The following KHDRBS2 variants were observed in gnomAD, a reference collection of about 807,000 sequenced individuals.
KHDRBS2 encodes the protein KH RNA binding domain containing, signal transduction associated 2, also known as KH domain-containing, RNA-binding, signal transduction-associated protein 2.
A neutral mutation model predicts 44.3 loss-of-function variants in KHDRBS2; 26 were observed. That is an observed-to-expected ratio of 0.59 (90% confidence interval 0.43 to 0.81). The LOEUF (loss-of-function observed/expected upper bound fraction) is 0.81, where lower values mean the gene tolerates loss of function less well. Among genes scored for constraint, KHDRBS2 ranks in the 40% least tolerant of loss-of-function variants. KHDRBS2 has a pLI of 0.00. For synonymous variants in KHDRBS2, 194 were observed against 151.1 expected (o/e 1.28, Z -2.08); for missense variants, 476 against 433.1 (o/e 1.10, Z -0.88).
At chr6:61,600,098 G>T in the KHDRBS2 span, among the ~76,000 whole-genome samples, 1 of 152,158 alleles carries the variant, frequency 6.6e-6, no homozygotes, top group Non-Finnish European at 1.5e-5. Flanking sequence ...AAAAGAAAAA[G>T]AGACAAATAG....
intron 2 of KHDRBS2, among the ~76,000 whole-genome samples, chr6:62,107,413 A>G (rs1803700534): frequency 6.6e-6 from 1 of 152,184 alleles, no homozygotes; most frequent in African/African-American, 2.4e-5. Context: ...TTCAAGGAGA[A>G]CTACAAACCA....
chr6:61,671,823 AC>A, the KHDRBS2 span, among the ~76,000 whole-genome samples: 1 of 151,544 alleles, frequency 6.6e-6, no homozygotes, highest in Non-Finnish European at 1.5e-5. Flanking sequence ...TTTGAAATTG[AC>A]CCTTATTCTT....
Position 61,894,840 on chromosome 6 carries a change from G to A in KHDRBS2, c.612-7C>T. ...AATGGCACCCCCACGGCCCCTAAGAGAAACAAGTCATGTATAGATGAGAAA... is the reference window on the plus strand; with the variant it reads ...AATGGCACCCCCACGGCCCCTAAGAAAAACAAGTCATGTATAGATGAGAAA... On this transcript the variant is annotated splice_polypyrimidine_tract_variant and splice_region_variant and intron_variant, in intron 5 of 8. Coordinates refer to ENST00000281156, the MANE Select transcript of KHDRBS2 (RefSeq NM_152688.4). 6.2e-7 allele frequency: 1 copy of A among 1,607,822 alleles called. No homozygotes were observed. The highest frequency in any genetic ancestry group is 8.5e-7 in the Non-Finnish European group (1 of 1,176,702).
At chr6:62,272,636 A>T (rs1162246957) in intron 1 of KHDRBS2, among the ~76,000 whole-genome samples, 4 of 152,148 alleles carry the variant, frequency 2.6e-5, no homozygotes. Flanking sequence ...AAAAAGTATC[A>T]AGATGTTGGC....
At chr6:62,060,070 G>A (rs1403206913) in intron 2 of KHDRBS2, among the ~76,000 whole-genome samples, 6 of 151,844 alleles carry the variant, frequency 4.0e-5, no homozygotes, top group Middle Eastern at 3.4e-3. Context: ...AAGTTGGGGC[G>A]GGGACAGGAG....
chr6:61,945,150 T>TATATATATATATATAC (rs371595813), intron 4 of KHDRBS2, among the ~76,000 whole-genome samples: 1 of 86,994 alleles, frequency 1.1e-5, no homozygotes, highest in Non-Finnish European at 2.3e-5. Context: ...TATATATATA[T>TATATATATATATATAC]ACACACAGAC....
chr6:61,855,936 C>A (rs891291443), intron 6 of KHDRBS2, among the ~76,000 whole-genome samples: 1 of 151,992 alleles, frequency 6.6e-6, no homozygotes. Flanking sequence ...ATTGGGATCT[C>A]CTCTTAATAA....
Position 61,697,235 on chromosome 6 carries a change from G to A in KHDRBS2, c.912C>T (p.Asp304=). The A allele has an allele frequency of 6.2e-7, 1 of 1,608,912 alleles. No individual in the cohort carries two copies. Residue 304 remains aspartate, a synonymous_variant, in exon 8 of 9, where the codon GAC becomes GAT. Coordinates refer to ENST00000281156, the MANE Select transcript of KHDRBS2 (RefSeq NM_152688.4). ...TQTQSVPEYY[D]YGHGVSEDAY... ...CATCCTCACTTACTCCATGACCGTA[G>A]TCATAGTATTCAGGCACACTGCAAC...
chr6:62,112,910 C>T (rs1805348824), intron 2 of KHDRBS2, among the ~76,000 whole-genome samples: 1 of 152,144 alleles, frequency 6.6e-6, no homozygotes, highest in African/African-American at 2.4e-5. Flanking sequence ...AACTAAAATA[C>T]ACGCCAAAGT....
chr6:62,229,831 G>T (rs1040333680), intron 1 of KHDRBS2, among the ~76,000 whole-genome samples: 8 of 152,154 alleles, frequency 5.3e-5, no homozygotes, highest in Non-Finnish European at 1.2e-4. Flanking sequence ...CAGCCATCCA[G>T]TCAGTCCTGA....
chr6:61,626,719 C>T, the KHDRBS2 span, among the ~76,000 whole-genome samples: 3 of 152,164 alleles, frequency 2.0e-5, no homozygotes, highest in Admixed American at 1.3e-4. Flanking sequence ...TGTCTATGTT[C>T]GGGTGGCTTT....
At chr6:62,255,417 G>C (rs1420633574) in intron 1 of KHDRBS2, among the ~76,000 whole-genome samples, 1 of 152,024 alleles carries the variant, frequency 6.6e-6, no homozygotes, top group Non-Finnish European at 1.5e-5. Flanking sequence ...GTAATTTCAT[G>C]AGGTAGATAC....
chr6:61,582,407 A>G, the KHDRBS2 span, among the ~76,000 whole-genome samples: 2 of 145,502 alleles, frequency 1.4e-5, no homozygotes, highest in African/African-American at 5.1e-5. Context: ...AAAACTATAA[A>G]AATTCCTAAA....
At chr6:62,020,551 C>T (rs1256117628) in intron 3 of KHDRBS2, among the ~76,000 whole-genome samples, 1 of 150,364 alleles carries the variant, frequency 6.7e-6, no homozygotes, top group South Asian at 2.1e-4. Flanking sequence ...CATTTCTCAG[C>T]TATAACTGTG....
At chr6:61,809,610 GT>G (rs1787778223) in intron 6 of KHDRBS2, among the ~76,000 whole-genome samples, 1 of 152,112 alleles carries the variant, frequency 6.6e-6, no homozygotes, top group South Asian at 2.1e-4. Context: ...AACTAATGTG[GT>G]TTGCAAAATC....
At chr6:61,913,009 T>G (rs570659557) in intron 4 of KHDRBS2, among the ~76,000 whole-genome samples, 1 of 152,134 alleles carries the variant, frequency 6.6e-6, no homozygotes, top group Admixed American at 6.6e-5. Flanking sequence ...TGCTTGTGTC[T>G]ATCAAGTGCC....
intron 2 of KHDRBS2, among the ~76,000 whole-genome samples, chr6:62,059,181 C>T (rs1368180417): frequency 9.7e-6 from 1 of 103,612 alleles, no homozygotes; most frequent in Non-Finnish European, 1.8e-5. Flanking sequence ...ATTATTTCCA[C>T]ATAGAAAAGT....
chr6:62,253,968 G>A (rs78831291), intron 1 of KHDRBS2, among the ~76,000 whole-genome samples: 4,610 of 151,874 alleles, frequency 0.03, 243 homozygotes, highest in African/African-American at 0.1. Flanking sequence ...AGCAGCATGG[G>A]GAATAACACA....
intron 2 of KHDRBS2, among the ~76,000 whole-genome samples, chr6:62,066,726 G>T (rs1242055142): frequency 6.6e-6 from 1 of 151,604 alleles, no homozygotes; most frequent in Admixed American, 6.6e-5. Flanking sequence ...CAGTTTTCTA[G>T]GGGACATAGA....
Sources: gnomAD v4.1 joint callset for allele counts (sites outside exome capture counted in the v4.1 genomes callset) on GRCh38, gnomAD v4.1.1 for gene constraint, MANE v1.5 for transcripts, NCBI Gene and HGNC (gene_info 2026-07-23, HGNC 2026-07-21) for gene names.